Variants in HS3ST4 observed in about 807,000 individuals in gnomAD.
The protein encoded by HS3ST4 is heparan sulfate-glucosamine 3-sulfotransferase 4, also known as heparan sulfate glucosamine 3-O-sulfotransferase 4.
HS3ST4 carries 17 observed loss-of-function variants against 29.2 expected under a neutral mutation model. That is an observed-to-expected ratio of 0.58 (90% CI 0.40 to 0.87). The LOEUF (loss-of-function observed/expected upper bound fraction) is 0.87. Among genes scored for constraint, HS3ST4 ranks in the 40% least tolerant of loss-of-function variants. The pLI, the probability that HS3ST4 is intolerant of heterozygous loss-of-function variation, is 0.00. For synonymous variants in HS3ST4, 314 were observed against 285.7 expected, an observed-to-expected ratio of 1.10 and a Z score of -1.00; for missense variants, 627 against 634.5, an observed-to-expected ratio of 0.99 and a Z score of 0.13.
intron 1 of HS3ST4, among the ~76,000 whole-genome samples, chr16:25,916,558 C>T (rs1968294712): frequency 6.6e-6 from 1 of 150,950 alleles, no homozygotes; most frequent in South Asian, 2.1e-4. Flanking sequence ...GACAAGGTTT[C>T]TCCATGTTGG....
chr16:25,898,993 CT>C (rs1968096781), intron 1 of HS3ST4, among the ~76,000 whole-genome samples: 1 of 152,222 alleles, frequency 6.6e-6, no homozygotes, highest in Admixed American at 6.5e-5. Flanking sequence ...AAGATGGACC[CT>C]AACTTGTTTC....
intron 1 of HS3ST4, among the ~76,000 whole-genome samples, chr16:25,837,459 G>C (rs776943764): frequency 6.6e-6 from 1 of 152,176 alleles, no homozygotes; most frequent in Admixed American, 6.5e-5. Flanking sequence ...TTTTTAAAAA[G>C]ACTAGGGCAT....
At chr16:26,125,846 C>T (rs1567318215) in intron 1 of HS3ST4, among the ~76,000 whole-genome samples, 1 of 152,208 alleles carries the variant, frequency 6.6e-6, no homozygotes, top group Non-Finnish European at 1.5e-5. Flanking sequence ...AGCTGCCTTG[C>T]ACTTGTCTTT....
At chr16:26,078,433 C>T (rs1040028557) in intron 1 of HS3ST4, among the ~76,000 whole-genome samples, 1 of 152,318 alleles carries the variant, frequency 6.6e-6, no homozygotes, top group East Asian at 1.9e-4. Context: ...CAGGCGTGAG[C>T]CACCGCACCC....
chr16:25,782,621 G>C (rs766824412), intron 1 of HS3ST4, among the ~76,000 whole-genome samples: 104 of 152,258 alleles, frequency 6.8e-4, no homozygotes, highest in Non-Finnish European at 1.2e-3. Flanking sequence ...TAGCAAACCT[G>C]ATTAAGGCAG....
chr16:26,113,708 A>G (rs1312224165), intron 1 of HS3ST4, among the ~76,000 whole-genome samples: 1 of 152,006 alleles, frequency 6.6e-6, no homozygotes, highest in Non-Finnish European at 1.5e-5. Flanking sequence ...TATTCTTCAG[A>G]ATACTCACAC....
At chr16:25,849,150 T>C (rs553210943) in intron 1 of HS3ST4, among the ~76,000 whole-genome samples, 1 of 152,338 alleles carries the variant, frequency 6.6e-6, no homozygotes, top group Non-Finnish European at 1.5e-5. Context: ...TCTATGTAGC[T>C]TTAACATTTT....
chr16:25,716,581 A>G (rs888879716), intron 1 of HS3ST4, among the ~76,000 whole-genome samples: 4 of 152,198 alleles, frequency 2.6e-5, no homozygotes, highest in Non-Finnish European at 4.4e-5. Flanking sequence ...ACAGGCATAC[A>G]TTTCTTCATT....
intron 1 of HS3ST4, among the ~76,000 whole-genome samples, chr16:26,001,190 A>T (rs1969208910): frequency 6.6e-6 from 1 of 152,216 alleles, no homozygotes; most frequent in African/African-American, 2.4e-5. Context: ...ATTTGAATCA[A>T]TATTAAATTC....
At chr16:26,058,088 G>A (rs1271928012) in intron 1 of HS3ST4, among the ~76,000 whole-genome samples, 1 of 152,220 alleles carries the variant, frequency 6.6e-6, no homozygotes, top group Non-Finnish European at 1.5e-5. Flanking sequence ...GGCAACACAA[G>A]TTGTTGCAAG....
At chr16:25,891,699 G>A (rs1596604717) in intron 1 of HS3ST4, among the ~76,000 whole-genome samples, 1 of 152,224 alleles carries the variant, frequency 6.6e-6, no homozygotes, top group Non-Finnish European at 1.5e-5. Context: ...TTAAAATGAT[G>A]TTGTAAGAAA....
At chr16:25,790,643 A>G (rs1006345376) in intron 1 of HS3ST4, among the ~76,000 whole-genome samples, 1 of 152,102 alleles carries the variant, frequency 6.6e-6, no homozygotes, top group Admixed American at 6.5e-5. Flanking sequence ...CACTGATAAG[A>G]TTGACCACTC....
intron 1 of HS3ST4, among the ~76,000 whole-genome samples, chr16:26,051,067 G>A (rs1898336390): frequency 6.6e-6 from 1 of 152,158 alleles, no homozygotes; most frequent in Admixed American, 6.5e-5. Flanking sequence ...CCAGAGAGGT[G>A]TGGTGGATTA....
chr16:26,046,676 C>T (rs1012959407), intron 1 of HS3ST4, among the ~76,000 whole-genome samples: 11 of 152,068 alleles, frequency 7.2e-5, no homozygotes, highest in Non-Finnish European at 1.6e-4. Context: ...TTTCCTATCT[C>T]AGCTTCATGT....
intron 1 of HS3ST4, among the ~76,000 whole-genome samples, chr16:25,800,064 G>C (rs1207269004): frequency 6.8e-6 from 1 of 147,634 alleles, no homozygotes; most frequent in Non-Finnish European, 1.5e-5. Context: ...TTGCCTTCCT[G>C]CCTTCCTTCC....
At chr16:25,721,792 C>T (rs896952984) in intron 1 of HS3ST4, among the ~76,000 whole-genome samples, 4 of 152,218 alleles carry the variant, frequency 2.6e-5, no homozygotes, top group African/African-American at 7.2e-5. Context: ...GAAAGACAAA[C>T]ACATTTCCAT....
At chr16:26,101,652 T>C (rs960214161) in intron 1 of HS3ST4, among the ~76,000 whole-genome samples, 1 of 152,222 alleles carries the variant, frequency 6.6e-6, no homozygotes, top group Admixed American at 6.5e-5. Flanking sequence ...ATGCATAGTA[T>C]CTGGGTATAA....
intron 1 of HS3ST4, among the ~76,000 whole-genome samples, chr16:25,890,137 A>C (rs1339590022): frequency 6.6e-6 from 1 of 152,188 alleles, no homozygotes. Context: ...GATGAATCCT[A>C]TTATTATATT....
chr16:25,707,482 G>A (rs1490453887), intron 1 of HS3ST4, among the ~76,000 whole-genome samples: 1 of 152,140 alleles, frequency 6.6e-6, no homozygotes, highest in Non-Finnish European at 1.5e-5. Flanking sequence ...GGAAGTCACT[G>A]GGGGTCTTGG....
Sources: gnomAD v4.1 joint callset for allele counts (sites outside exome capture counted in the v4.1 genomes callset) on GRCh38, gnomAD v4.1.1 for gene constraint, MANE v1.5 for transcripts, NCBI Gene and HGNC (gene_info 2026-07-23, HGNC 2026-07-21) for gene names.